The following TRPM4 variants were observed in gnomAD, a reference collection of about 807,000 sequenced individuals.
TRPM4 encodes calcium-activated non-selective cation channel 1.
Under a neutral mutation model 135.6 loss-of-function variants are expected in TRPM4, and 124 were observed. The observed-to-expected ratio is 0.91, with a 90% CI of 0.79 to 1.06. The LOEUF is 1.06. TRPM4 is among the 50% of genes least tolerant of loss of function. The pLI is 0.00. For missense variants in TRPM4, 1,658 were observed against 1,671.4 expected (o/e 0.99, Z 0.14); for synonymous variants, 745 against 705.6 (o/e 1.06, Z -0.88).
At position 49,181,329 on chromosome 19, in the gene TRPM4, T is replaced by A. The variant is rs11668638; in HGVS notation, c.1151-20T>A. The A allele has an allele frequency of 0.054, 86,226 of 1,582,508 alleles. 2,721 individuals are homozygous for A. Among genetic ancestry groups the A allele is most frequent in the Non-Finnish European group, 0.065 (75,373 of 1,151,508 alleles). ...CCTCCTCCCCTGACTTCTTGTCCCC[T>A]CTCCCTCTAATCCTTCCAGCCTGTG... On this transcript the variant is annotated intron_variant, in intron 9 of 24. Coordinates refer to ENST00000252826, the MANE Select transcript of TRPM4 (RefSeq NM_017636.4).
chr19:49,160,165 C>T (rs987161013), intron 2 of TRPM4, among the ~76,000 whole-genome samples: 1 of 152,064 alleles, frequency 6.6e-6, no homozygotes, highest in African/African-American at 2.4e-5. Flanking sequence ...AGTGAGGTGA[C>T]ATTTGAAAGT....
chr19:49,188,732 G>A lies in TRPM4; in HGVS notation c.1835G>A (p.Arg612Lys). The stretch of plus-strand genomic sequence containing the variant: ...CCTGACGCTGAGGAGGCAGCACGGA[G>A]GAAAGACCTGGCGTTCAAGTTTGAG... ...LEPDAEEAARRKDLAFKFEGM... is the reference protein window; with the variant it reads ...LEPDAEEAARKKDLAFKFEGM... The change falls in exon 13 of 25, where the codon AGG becomes AAG. Residue 612 changes from arginine to lysine, a missense_variant. Physicochemically the swap from Arg to Lys is conservative, Grantham distance 26. Transcript: ENST00000252826. 6.2e-7 allele frequency: 1 copy of A among 1,614,254 alleles called. No individual in the cohort carries two copies. Among genetic ancestry groups the A allele is most frequent in the South Asian group, 1.1e-5 (1 of 91,088 alleles).
chr19:49,174,003 C>T (rs1600428383), intron 9 of TRPM4, among the ~76,000 whole-genome samples: 1 of 151,844 alleles, frequency 6.6e-6, no homozygotes, highest in African/African-American at 2.4e-5. Flanking sequence ...ATCCTAGGCT[C>T]CAGAGACTAA....
At chr19:49,163,752 C>T (rs1967060446) in intron 2 of TRPM4, among the ~76,000 whole-genome samples, 1 of 152,218 alleles carries the variant, frequency 6.6e-6, no homozygotes, top group Non-Finnish European at 1.5e-5. Flanking sequence ...GCCTTGACCT[C>T]CCAAAGTGCT....
intron 20 of TRPM4, among the ~76,000 whole-genome samples, chr19:49,203,381 G>C (rs373814992): frequency 5.3e-5 from 8 of 151,638 alleles, no homozygotes; most frequent in Non-Finnish European, 8.8e-5. Flanking sequence ...GGGTTTCACC[G>C]TGTTAGCCAG....
intron 2 of TRPM4, among the ~76,000 whole-genome samples, chr19:49,161,084 G>T (rs1461105161): frequency 6.6e-6 from 1 of 152,014 alleles, no homozygotes; most frequent in African/African-American, 2.4e-5. Flanking sequence ...GCGGCCTAGG[G>T]GGACCGAGGG....
rs775959152 is a variant in TRPM4, at chr19:49,202,060, A to G, written c.3050A>G (p.Asn1017Ser). The G allele has an allele frequency of 2.9e-5, 47 of 1,613,926 alleles. No homozygotes were observed. The highest frequency in any genetic ancestry group is 1.8e-4 in the East Asian group (8 of 44,874). ...GGCACCTGCGTCTCCCAGTATGCCA[A>G]CTGGCTGGTGGTGCTGCTCCTCGTC... is the stretch of plus-strand genomic sequence containing the variant. ...QAGTCVSQYA[N>S]WLVVLLLVIF... The change falls in exon 20 of 25, where the codon AAC becomes AGC. Residue 1017 changes from asparagine to serine, a missense_variant. Around this residue, in one of 3 missense-constraint regions of TRPM4, gnomAD observed 1,412 missense variants for 1,408.7 expected, o/e 1.00. Coordinates refer to ENST00000252826, the MANE Select transcript of TRPM4 (RefSeq NM_017636.4).
Position 49,202,110 on chromosome 19 carries a change from C to G in TRPM4, c.3100C>G (p.Leu1034Val). ...LVIFLLVANILLVNLLIAMFS... is the reference protein window; with the variant it reads ...LVIFLLVANIVLVNLLIAMFS... ...CATCTTCCTGCTCGTGGCCAACATCCTGCTGGTCAACTTGCTCATTGCCAT... is the reference window on the plus strand; with the variant it reads ...CATCTTCCTGCTCGTGGCCAACATCGTGCTGGTCAACTTGCTCATTGCCAT... The change falls in exon 20 of 25, where the codon CTG (leucine) becomes GTG (valine). Residue 1034 changes from leucine (L) to valine (V), a missense_variant. Transcript: ENST00000252826. The G allele has an allele frequency of 1.2e-6, 2 of 1,614,116 alleles. No homozygotes were observed. The highest frequency in any genetic ancestry group is 1.7e-6 in the Non-Finnish European group (2 of 1,180,040).
At chr19:49,163,888 C>T (rs980567917) in intron 2 of TRPM4, among the ~76,000 whole-genome samples, 16 of 152,130 alleles carry the variant, frequency 1.1e-4, no homozygotes, top group Non-Finnish European at 2.2e-4. Context: ...AATGGGTGAA[C>T]GGACAAAGTC....
In TRPM4 at chr19:49,196,467, G is replaced by T. The variant is rs1358013989; in HGVS notation, c.2238G>T (p.Pro746=). The stretch of plus-strand genomic sequence containing the variant: ...CGGCGGACCCAGCCGAGAAGACGCC[G>T]CTGGGGGTCCCGCGCCAGTCGGGCC... ...VGTADPAEKT[P]LGVPRQSGRP... is the part of the protein sequence containing the mutation. The change falls in exon 17 of 25, where the codon CCG becomes CCT. Residue 746 remains proline, a synonymous_variant. Coordinates refer to ENST00000252826, the MANE Select transcript of TRPM4 (RefSeq NM_017636.4). 2 of 1,552,006 alleles carry T rather than the reference G, an allele frequency of 1.3e-6. No homozygotes were observed. Among genetic ancestry groups the T allele is most frequent in the Non-Finnish European group, 1.7e-6 (2 of 1,152,300 alleles).
chr19:49,182,613 G>A lies in TRPM4; in HGVS notation c.1299G>A (p.Leu433=). 6.2e-7 allele frequency: 1 copy of A among 1,614,038 alleles called. No homozygotes were observed. ...FHLEASLMDA[L]LNDRPEFVRL... is the part of the protein sequence containing the mutation. Reference sequence around the variant, plus strand: ...TCGAAGCTTCCCTCATGGACGCCCTGCTGAATGACCGGCCTGAGTTCGTGC... The same window carrying A: ...TCGAAGCTTCCCTCATGGACGCCCTACTGAATGACCGGCCTGAGTTCGTGC... Residue 433 remains leucine (L), a synonymous_variant, in exon 11 of 25, where the codon CTG becomes CTA. Coordinates refer to ENST00000252826, the MANE Select transcript of TRPM4 (RefSeq NM_017636.4).
At position 49,182,865 on chromosome 19, in the gene TRPM4, G is replaced by A. The variant is rs1377334352; in HGVS notation, c.1551G>A (p.Pro517=). 1.2e-6 allele frequency: 2 copies of A among 1,609,190 alleles called. No individual in the cohort carries two copies. The highest frequency in any genetic ancestry group is 1.7e-6 in the Non-Finnish European group (2 of 1,177,578). The change falls in exon 11 of 25, where the codon CCG becomes CCA. Residue 517 remains proline, a synonymous_variant. Transcript: ENST00000252826. ...TGCTGCTGGGGAAGATGTGCGCGCC[G>A]AGGTACCCCTCCGGGGGCGCCTGGG... ...LRMLLGKMCA[P]RYPSGGAWDP...
rs777609699 is a variant in TRPM4, at chr19:49,167,989, GC to G, written c.344del (p.Pro115ArgfsTer163). 2.5e-6 allele frequency: 4 copies of G among 1,613,890 alleles called. No individual in the cohort carries two copies. Among genetic ancestry groups the G allele is most frequent in the Non-Finnish European group, 3.4e-6 (4 of 1,180,030 alleles). ...GGTCACACGCACATGGGGCTTCCGT[GC>G]CCCGAACCTGGTGGTGTCAGTGCTG... The part of the protein sequence containing the change: ...SLVTRTWGFR[A>X]PNLVVSVLGG... On this transcript the variant is annotated frameshift_variant, in exon 4 of 25. Coordinates refer to ENST00000252826, the MANE Select transcript of TRPM4 (RefSeq NM_017636.4). LOFTEE classifies it high-confidence loss of function.
At chr19:49,174,210 T>C (rs570872045) in intron 9 of TRPM4, among the ~76,000 whole-genome samples, 11 of 152,196 alleles carry the variant, frequency 7.2e-5, no homozygotes, top group Non-Finnish European at 8.8e-5. Flanking sequence ...TGGAGTGCAG[T>C]GGTGCGAGCT....
In TRPM4 at chr19:49,184,452, C is replaced by CTTTTTTTTTT. The variant is rs67748057; in HGVS notation, c.1743+1257_1743+1266dup. 6.6e-5 allele frequency among the ~76,000 whole-genome samples: 3 copies of CTTTTTTTTTT among 45,476 alleles called. 1 individual carries two copies. The highest frequency in any genetic ancestry group is 3.2e-4 in the African/African-American group (3 of 9,504). The allele number at this position is 45,476 out of a possible 152,430, so 29.8% of individuals were successfully genotyped here. ...TTTGGTTCATTTCTGTCTCTGTAGT[C>CTTTTTTTTTT]TTTTTTTTTTTTTTTTTTTTTTTTT... On this transcript the variant is annotated intron_variant, in intron 12 of 24. Transcript: ENST00000252826.
chr19:49,177,615 C>T (rs1967749561), intron 9 of TRPM4, among the ~76,000 whole-genome samples: 1 of 152,090 alleles, frequency 6.6e-6, no homozygotes, highest in Admixed American at 6.6e-5. Context: ...TGTGAGCCAC[C>T]ACCCCTGGCC....
At chr19:49,201,699 G>C (rs552924629) in intron 19 of TRPM4, among the ~76,000 whole-genome samples, 3 of 152,300 alleles carry the variant, frequency 2.0e-5, no homozygotes, top group Admixed American at 2.0e-4. Context: ...CCAGATCGAA[G>C]CGATTCTCCT....
At chr19:49,197,688 CT>C (rs551709011) in intron 17 of TRPM4, among the ~76,000 whole-genome samples, 134 of 143,098 alleles carry the variant, frequency 9.4e-4, no homozygotes, top group Admixed American at 1.3e-3. Context: ...TCTTTCTTTT[CT>C]TTTTTTTTTT....
chr19:49,195,393 C>T (rs113269544), intron 16 of TRPM4, among the ~76,000 whole-genome samples: 3,519 of 151,966 alleles, frequency 0.023, 143 homozygotes, highest in African/African-American at 0.08. Context: ...TTTTTTGAGA[C>T]GGAGTTTTGC....
Sources: gnomAD v4.1 joint callset for allele counts (sites outside exome capture counted in the v4.1 genomes callset) on GRCh38, gnomAD v4.1.1 for gene constraint, gnomAD v4.1.1 regional missense constraint, MANE v1.5 for transcripts, NCBI Gene and HGNC (gene_info 2026-07-23, HGNC 2026-07-21) for gene names.